RNF13: variants seen among roughly 807,000 people sequenced by gnomAD.
The protein encoded by RNF13 is ring finger protein 13.
A neutral mutation model predicts 37.7 loss-of-function variants in RNF13; 19 were observed. That is an observed-to-expected ratio of 0.50 (90% CI 0.35 to 0.74). RNF13 has a LOEUF of 0.74. Ranked by LOEUF, RNF13 falls within the 30% of genes least tolerant of loss-of-function variation. RNF13 has a pLI of 0.01. For missense variants in RNF13, 375 were observed against 453.0 expected, an observed-to-expected ratio of 0.83 and a Z score of 1.56; for synonymous variants, 144 against 157.8, an observed-to-expected ratio of 0.91 and a Z score of 0.65.
At chr3:149,939,267 G>A in intron 8 of RNF13, 1 of 473,322 alleles carries the variant, frequency 2.1e-6, no homozygotes, top group South Asian at 1.6e-5. Context: ...TTTTTATCCA[G>A]TTTCCTCATC....
intron 4 of RNF13, among the ~76,000 whole-genome samples, chr3:149,881,173 G>A (rs947534382): frequency 6.6e-6 from 1 of 152,148 alleles, no homozygotes; most frequent in East Asian, 1.9e-4. Flanking sequence ...AACTGGCAGG[G>A]ACACTAAGAA....
Position 149,961,246 on chromosome 3 carries a change from C to T in RNF13, c.*142C>T. ...GTTTAATCAAATTACTGAAACAGGA[C>T]TTTTGATCTGGTATTTATCTGCCAA... On this transcript the variant is annotated 3_prime_UTR_variant, in exon 10 of 10. Transcript: ENST00000392894. 1 of 736,238 alleles carries T rather than the reference C, an allele frequency of 1.4e-6. No individual in the cohort carries two copies. The highest frequency in any genetic ancestry group is 2.2e-6 in the Non-Finnish European group (1 of 447,244). 45.6% of individuals were successfully genotyped at this position (736,238 alleles called of 1,614,324 possible).
At chr3:149,907,533 C>T (rs937412108) in intron 6 of RNF13, among the ~76,000 whole-genome samples, 3 of 152,112 alleles carry the variant, frequency 2.0e-5, no homozygotes, top group African/African-American at 7.2e-5. Context: ...AGTAAGCCAC[C>T]GACTATAAGC....
chr3:149,816,376 T>C (rs1052303894), intron 1 of RNF13, among the ~76,000 whole-genome samples: 1 of 152,208 alleles, frequency 6.6e-6, no homozygotes, highest in African/African-American at 2.4e-5. Flanking sequence ...TGTGGGGCTA[T>C]TGTGGATTCG....
chr3:149,926,894 T>C (rs577686686), intron 8 of RNF13, among the ~76,000 whole-genome samples: 12 of 152,162 alleles, frequency 7.9e-5, no homozygotes, highest in Admixed American at 2.6e-4. Flanking sequence ...TTTTCAATAG[T>C]GTTTACCTAT....
At chr3:149,840,683 C>T (rs1722091201) in intron 1 of RNF13, among the ~76,000 whole-genome samples, 1 of 152,156 alleles carries the variant, frequency 6.6e-6, no homozygotes, top group Non-Finnish European at 1.5e-5. Flanking sequence ...AAGAAAGATA[C>T]CACACTCACT....
chr3:149,844,336 G>A (rs1722444682), intron 1 of RNF13, among the ~76,000 whole-genome samples: 1 of 152,146 alleles, frequency 6.6e-6, no homozygotes, highest in African/African-American at 2.4e-5. Context: ...AGCGTCTAAG[G>A]GTCCTTTCCC....
At chr3:149,822,019 A>AGTGCCATGTTGTTTT (rs1407140993) in intron 1 of RNF13, among the ~76,000 whole-genome samples, 1 of 152,134 alleles carries the variant, frequency 6.6e-6, no homozygotes, top group Non-Finnish European at 1.5e-5. Flanking sequence ...TCACTATGCC[A>AGTGCCATGTTGTTTT]GTGCCATGTT....
chr3:149,897,702 A>G lies in RNF13; in HGVS notation c.409+2142A>G, dbSNP rs1715411657. ...TGTTGTAAAGATCTTTACCATTTTC[A>G]TGTTTGCTATTACTTGGTAGAGGTA... On this transcript the variant is annotated intron_variant, in intron 5 of 9. Transcript: ENST00000392894. 2.0e-5 allele frequency among the ~76,000 whole-genome samples: 3 copies of G among 152,188 alleles called. No individual in the cohort carries two copies. In the South Asian group the frequency reaches 6.2e-4, roughly 31 times the overall value.
At chr3:149,943,075 T>TAAA (rs1720426388) in intron 8 of RNF13, among the ~76,000 whole-genome samples, 1 of 152,160 alleles carries the variant, frequency 6.6e-6, no homozygotes, top group Admixed American at 6.5e-5. Context: ...ACTGTTGAAT[T>TAAA]CAGTTTACTA....
chr3:149,955,593 A>C (rs961860258), intron 8 of RNF13, among the ~76,000 whole-genome samples: 2 of 152,218 alleles, frequency 1.3e-5, no homozygotes, highest in Non-Finnish European at 2.9e-5. Flanking sequence ...AATTAAAAAG[A>C]ATTCAGTACT....
In RNF13 at chr3:149,940,120, TTTAA is replaced by T. The variant is rs1349350122; in HGVS notation, c.700+18898_700+18901del. ...TCAATCTTTTTTCATCATTTGTGGT[TTTAA>T]TTAAGTATTTCATAATGATTCCACT... On this transcript the variant is annotated intron_variant, in intron 8 of 9. Transcript: ENST00000392894. Among the ~76,000 whole-genome samples, 4 of 152,314 alleles carry T rather than the reference TTTAA, an allele frequency of 2.6e-5. No individual in the cohort carries two copies. The East Asian group carries it at 5.8e-4, about 22-fold the overall frequency.
chr3:149,952,749 G>A (rs1045607533), intron 8 of RNF13, among the ~76,000 whole-genome samples: 12 of 152,018 alleles, frequency 7.9e-5, no homozygotes, highest in Middle Eastern at 3.2e-3. Flanking sequence ...ACAGGCATGC[G>A]TTACAACGCC....
chr3:149,946,137 C>T (rs534080894), intron 8 of RNF13, among the ~76,000 whole-genome samples: 25 of 152,258 alleles, frequency 1.6e-4, no homozygotes, highest in African/African-American at 4.8e-4. Flanking sequence ...GGAGGAAGTG[C>T]GAACCCATCC....
intron 1 of RNF13, among the ~76,000 whole-genome samples, chr3:149,834,502 C>T (rs1431674810): frequency 6.6e-6 from 1 of 152,186 alleles, no homozygotes; most frequent in African/African-American, 2.4e-5. Context: ...TTGTCTGGCC[C>T]CACCAAGTCT....
chr3:149,884,893 C>G (rs558523109), intron 4 of RNF13, among the ~76,000 whole-genome samples: 19 of 151,612 alleles, frequency 1.3e-4, no homozygotes, highest in Middle Eastern at 3.4e-3. Context: ...ATTAACCATC[C>G]CCATCTCCCC....
At chr3:149,830,505 C>T (rs1457918431) in intron 1 of RNF13, among the ~76,000 whole-genome samples, 4 of 53,558 alleles carry the variant, frequency 7.5e-5, no homozygotes, top group Non-Finnish European at 1.1e-4. Flanking sequence ...GGGTATCTGG[C>T]GGAAGAAATT....
At chr3:149,900,826 T>G (rs2108500536) in intron 5 of RNF13, among the ~76,000 whole-genome samples, 1 of 152,206 alleles carries the variant, frequency 6.6e-6, no homozygotes, top group East Asian at 1.9e-4. Context: ...CTGGTGTGTA[T>G]GTGCGCGCAT....
At chr3:149,888,933 A>G (rs1257455838) in intron 4 of RNF13, among the ~76,000 whole-genome samples, 1 of 152,204 alleles carries the variant, frequency 6.6e-6, no homozygotes, top group Non-Finnish European at 1.5e-5. Flanking sequence ...TTAAACAACA[A>G]GGTAGCCAGA....
Sources: allele counts gnomAD v4.1 joint callset (sites outside exome capture counted in the v4.1 genomes callset), GRCh38; gene constraint gnomAD v4.1.1; transcripts MANE v1.5; gene names NCBI Gene and HGNC (gene_info 2026-07-23, HGNC 2026-07-21).